Variants in OTOGL observed in about 807,000 individuals in gnomAD.
OTOGL encodes otogelin-like protein.
OTOGL carries 285 observed loss-of-function variants against 318.5 expected under a neutral mutation model. That is an observed-to-expected ratio of 0.89 (90% confidence interval 0.81 to 0.99). OTOGL has a LOEUF of 0.99. OTOGL is among the 50% of genes least tolerant of loss of function. The probability of loss-of-function intolerance (pLI) is 0.00; values close to 1 mark genes in which losing one functional copy is unlikely to be tolerated. For synonymous variants in OTOGL, 987 were observed against 936.5 expected (o/e 1.05, Z -0.99); for missense variants, 2,899 against 2,845.6 (o/e 1.02, Z -0.43).
chr12:80,165,403 G>C (rs1222076696), intron 1 of OTOGL, among the ~76,000 whole-genome samples: 3 of 152,196 alleles, frequency 2.0e-5, no homozygotes, highest in Non-Finnish European at 4.4e-5. Flanking sequence ...TGATGAGTTA[G>C]TGGTTGTGGG....
chr12:80,232,197 T>G (rs1879428432), intron 8 of OTOGL, among the ~76,000 whole-genome samples: 1 of 152,180 alleles, frequency 6.6e-6, no homozygotes, highest in Admixed American at 6.5e-5. Flanking sequence ...CTTGTTTAAA[T>G]AGCCCAAAAG....
chr12:80,209,286 A>G, intron 1 of OTOGL, 127 bp from the exon 2 acceptor site: 1 of 504,212 alleles, frequency 2.0e-6, no homozygotes, highest in Non-Finnish European at 3.3e-6. Context: ...TGTAGTTGGA[A>G]AGCCTGGAAT....
chr12:80,201,631 C>T (rs1876463420), intron 1 of OTOGL, among the ~76,000 whole-genome samples: 1 of 152,104 alleles, frequency 6.6e-6, no homozygotes, highest in Admixed American at 6.6e-5. Context: ...CATGTTTCCT[C>T]ATTCTCTTGG....
intron 44 of OTOGL, among the ~76,000 whole-genome samples, chr12:80,347,941 A>T (rs1036549845): frequency 4.6e-5 from 7 of 151,938 alleles, no homozygotes; most frequent in Admixed American, 4.6e-4. Context: ...GTCTGTTCCT[A>T]TCCTTCACCC....
chr12:80,326,936 C>T (rs770221647), intron 35 of OTOGL, among the ~76,000 whole-genome samples: 4 of 152,130 alleles, frequency 2.6e-5, no homozygotes, highest in South Asian at 2.1e-4. Flanking sequence ...TGGAATGAAA[C>T]GAGGCCTTCA....
At chr12:80,146,823 T>C (rs1254079325) in intron 1 of OTOGL, among the ~76,000 whole-genome samples, 44 of 148,844 alleles carry the variant, frequency 3.0e-4, no homozygotes, top group South Asian at 1.7e-3. Flanking sequence ...CCATTTCTTC[T>C]AGATTTTCTA....
intron 1 of OTOGL, among the ~76,000 whole-genome samples, chr12:80,172,400 C>T (rs918352193): frequency 6.6e-6 from 1 of 152,214 alleles, no homozygotes; most frequent in African/African-American, 2.4e-5. Flanking sequence ...CAGAGCTCTT[C>T]TCCTAGCAGT....
intron 1 of OTOGL, among the ~76,000 whole-genome samples, chr12:80,169,432 C>G (rs979836509): frequency 1.3e-5 from 2 of 152,154 alleles, no homozygotes; most frequent in Non-Finnish European, 2.9e-5. Flanking sequence ...ACATCCTGCT[C>G]AAAACTCACT....
chr12:80,270,228 C>A, intron 23 of OTOGL, 74 bp downstream of exon 23: 1 of 1,239,720 alleles, frequency 8.1e-7, no homozygotes, highest in Non-Finnish European at 1.2e-6. Context: ...CAGAAGTCAT[C>A]AATCACCTCT....
chr12:80,371,467 T>C (rs1890872268), intron 56 of OTOGL, among the ~76,000 whole-genome samples: 1 of 152,120 alleles, frequency 6.6e-6, no homozygotes, highest in South Asian at 2.1e-4. Context: ...CACAGACTAA[T>C]ATTTATAGCG....
Position 80,108,799 on chromosome 12 carries a change from ATG to A in OTOGL, c.-20+9196_-20+9197del, listed in dbSNP as rs1565863145. The stretch of plus-strand genomic sequence containing the variant: ...TATATATATATATGTATATATATAT[ATG>A]TATATATATATGTGTATATATATGT... On this transcript the variant is annotated intron_variant, in intron 1 of 58. Coordinates refer to ENST00000547103, the MANE Select transcript of OTOGL (RefSeq NM_001378609.3). Among the ~76,000 whole-genome samples, 4 of 80,710 alleles carry A rather than the reference ATG, an allele frequency of 5.0e-5. 1 individual carries two copies. The highest frequency in any genetic ancestry group is 1.2e-4 in the Non-Finnish European group (4 of 32,990). 52.9% of individuals were successfully genotyped at this position (80,710 alleles called of 152,430 possible).
chr12:80,210,907 G>T, intron 3 of OTOGL, 21 bp downstream of exon 3: 1 of 1,444,498 alleles, frequency 6.9e-7, no homozygotes, highest in Non-Finnish European at 9.2e-7. Flanking sequence ...CTTGTTCTTC[G>T]TGTCCTCTAA....
intron 1 of OTOGL, among the ~76,000 whole-genome samples, chr12:80,109,933 A>T (rs983581368): frequency 1.2e-4 from 19 of 152,250 alleles, no homozygotes; most frequent in East Asian, 7.7e-4. Context: ...TAATACTTAA[A>T]TTTTTTAAAT....
chr12:80,308,437 C>T (rs1886382248), intron 29 of OTOGL, among the ~76,000 whole-genome samples: 1 of 151,990 alleles, frequency 6.6e-6, no homozygotes, highest in Non-Finnish European at 1.5e-5. Context: ...CTCCTCACTT[C>T]CCAGATGTGA....
chr12:80,211,600 T>A (rs543959654), intron 3 of OTOGL, among the ~76,000 whole-genome samples: 81 of 152,308 alleles, frequency 5.3e-4, no homozygotes, highest in African/African-American at 1.9e-3. Context: ...AATACTGACC[T>A]CACTAGATTT....
chr12:80,109,508 G>C (rs941222851), intron 1 of OTOGL, among the ~76,000 whole-genome samples: 1 of 152,152 alleles, frequency 6.6e-6, no homozygotes, highest in African/African-American at 2.4e-5. Context: ...TGCCATTGTT[G>C]TTGATCCATG....
At chr12:80,267,229 T>A in intron 21 of OTOGL, 24 bp from the exon 22 acceptor site, 1 of 1,446,576 alleles carries the variant, frequency 6.9e-7, no homozygotes, top group Non-Finnish European at 9.5e-7. Flanking sequence ...TGTATCCTAT[T>A]TACTTTACTT....
intron 1 of OTOGL, among the ~76,000 whole-genome samples, chr12:80,135,512 A>G (rs1376168833): frequency 6.6e-6 from 1 of 151,972 alleles, no homozygotes; most frequent in East Asian, 1.9e-4. Flanking sequence ...CCCTCAGGTG[A>G]TCTGCCTGCC....
chr12:80,370,312 T>G (rs910095866), intron 55 of OTOGL, among the ~76,000 whole-genome samples: 2 of 152,040 alleles, frequency 1.3e-5, no homozygotes, highest in Non-Finnish European at 2.9e-5. Flanking sequence ...ACCTCTCAGT[T>G]CTAGTATGAA....
Sources: allele counts gnomAD v4.1 joint callset (sites outside exome capture counted in the v4.1 genomes callset), GRCh38; gene constraint gnomAD v4.1.1; transcripts MANE v1.5; gene names NCBI Gene and HGNC (gene_info 2026-07-23, HGNC 2026-07-21).